Variants in KAT14 observed in about 807,000 individuals in gnomAD.
KAT14 encodes cysteine-rich protein 2-binding protein.
A neutral mutation model predicts 78.4 loss-of-function variants in KAT14; 66 were observed. That is an observed-to-expected ratio of 0.84 (90% CI 0.69 to 1.03). The LOEUF (loss-of-function observed/expected upper bound fraction) is 1.03, where lower values mean the gene tolerates loss of function less well. Among genes scored for constraint, KAT14 ranks in the 50% least tolerant of loss-of-function variants. The pLI is 0.00. For missense variants in KAT14, 870 were observed against 972.5 expected, an observed-to-expected ratio of 0.89 and a Z score of 1.40; for synonymous variants, 344 against 359.4, an observed-to-expected ratio of 0.96 and a Z score of 0.48.
chr20:18,143,129 C>T (rs2037653955), intron 2 of KAT14: 1 of 1,308,026 alleles, frequency 7.6e-7, no homozygotes, highest in Non-Finnish European at 9.8e-7. Context: ...GTTAAATTAA[C>T]ACTTTTGGTG....
In KAT14 at chr20:18,142,231, A is replaced by G. The variant is rs1344578627; in HGVS notation, c.-430A>G. On this transcript the variant is annotated 5_prime_UTR_variant, in exon 2 of 11. Coordinates refer to ENST00000688188, the MANE Select transcript of KAT14 (RefSeq NM_001392073.1). ...AGAGGCTTCGTGACGGAGTTATCAG[A>G]GACATTGAGAGGCAAATTCGGAAAA... 1 of 1,537,216 alleles carries G rather than the reference A, an allele frequency of 6.5e-7. No individual in the cohort carries two copies. Among genetic ancestry groups the G allele is most frequent in the Admixed American group, 2.0e-5 (1 of 50,986 alleles).
chr20:18,173,150 T>G (rs959935703), intron 7 of KAT14, among the ~76,000 whole-genome samples: 1 of 152,234 alleles, frequency 6.6e-6, no homozygotes, highest in Non-Finnish European at 1.5e-5. Flanking sequence ...CCTTTTCCCC[T>G]CCTCCATCTG....
chr20:18,165,129 G>T (rs1205199), intron 7 of KAT14, among the ~76,000 whole-genome samples: 34,362 of 152,032 alleles, frequency 0.23, 4,222 homozygotes, highest in East Asian at 0.51. Context: ...TGTACTTTCT[G>T]TTCCCCTCAG....
At chr20:18,181,433 A>G (rs112980176) in intron 7 of KAT14, among the ~76,000 whole-genome samples, 33 of 144,542 alleles carry the variant, frequency 2.3e-4, no homozygotes, top group African/African-American at 7.9e-4. Context: ...CAGTGGTGCA[A>G]TCTCGGCTCA....
At chr20:18,138,287 G>A (rs2037378060) in intron 1 of KAT14, 1 of 1,209,850 alleles carries the variant, frequency 8.3e-7, no homozygotes, top group South Asian at 3.6e-5. Flanking sequence ...CCGGCTGCCC[G>A]GCTTAGCGCC....
intron 7 of KAT14, among the ~76,000 whole-genome samples, chr20:18,166,948 C>T (rs886107023): frequency 6.6e-6 from 1 of 152,182 alleles, no homozygotes; most frequent in African/African-American, 2.4e-5. Flanking sequence ...GTCAGAGTCC[C>T]TGGGGAATAA....
intron 7 of KAT14, among the ~76,000 whole-genome samples, chr20:18,163,632 CT>C (rs955344290): frequency 6.6e-5 from 10 of 152,088 alleles, no homozygotes; most frequent in African/African-American, 2.2e-4. Context: ...CTGGTTGTTT[CT>C]TTGTGAATTG....
rs2038787736 is a variant in KAT14, at chr20:18,169,903, T to C, written c.1668+6958T>C. ...CTGATAAAAAATCGAAGTAGCCTTA[T>C]TGCTGATATGGAGAAAGTTTGAGTG... is the stretch of plus-strand genomic sequence containing the variant. On this transcript the variant is annotated intron_variant, in intron 7 of 10. Coordinates refer to ENST00000688188, the MANE Select transcript of KAT14 (RefSeq NM_001392073.1). Among the ~76,000 whole-genome samples the C allele has an allele frequency of 2.0e-5, 3 of 152,214 alleles. No homozygotes were observed. The South Asian group carries it at 6.2e-4, about 31-fold the overall frequency.
In KAT14 at chr20:18,154,061, C is replaced by T. The variant is rs570586615; in HGVS notation, c.500+3119C>T. On this transcript the variant is annotated intron_variant, in intron 4 of 10. Coordinates refer to ENST00000688188, the MANE Select transcript of KAT14 (RefSeq NM_001392073.1). ...AAATCACTTTATGATTCTTGCCACC[C>T]GGTTTCATGCTACAGTGCTGCTCTT... Among the ~76,000 whole-genome samples, 4 of 152,268 alleles carry T rather than the reference C, an allele frequency of 2.6e-5. No homozygotes were observed. In the East Asian group the frequency reaches 5.8e-4, roughly 22 times the overall value.
At chr20:18,176,199 G>T (rs1449201506) in intron 7 of KAT14, among the ~76,000 whole-genome samples, 1 of 151,566 alleles carries the variant, frequency 6.6e-6, no homozygotes, top group East Asian at 1.9e-4. Flanking sequence ...TACTCAGGAG[G>T]CTGAGGCAGG....
chr20:18,157,053 G>C (rs531149422), intron 4 of KAT14, among the ~76,000 whole-genome samples: 1 of 152,272 alleles, frequency 6.6e-6, no homozygotes, highest in South Asian at 2.1e-4. Context: ...AGATTTGCGA[G>C]GTCAGAGGAT....
Position 18,157,032 on chromosome 20 carries a change from T to C in KAT14, c.501-2052T>C, listed in dbSNP as rs6111863. On this transcript the variant is annotated intron_variant, in intron 4 of 10. Coordinates refer to ENST00000688188, the MANE Select transcript of KAT14 (RefSeq NM_001392073.1). ...TGTATATATATCCTTTGTGTTTTTG[T>C]GATTAGAAGTAGATTTGCGAGGTCA... Among the ~76,000 whole-genome samples the C allele has an allele frequency of 1.2e-3, 181 of 152,318 alleles. 1 individual carries two copies. Among genetic ancestry groups the C allele is most frequent in the African/African-American group, 4.3e-3 (177 of 41,562 alleles).
chr20:18,138,465 G>A, intron 1 of KAT14: 1 of 990,972 alleles, frequency 1.0e-6, no homozygotes, highest in Non-Finnish European at 1.2e-6. Flanking sequence ...AGTTTCTTGG[G>A]GTGCATTCTG....
rs1384042972 is a variant in KAT14, at chr20:18,150,878, T to C, written c.436T>C (p.Phe146Leu). Residue 146 changes from phenylalanine (F) to leucine (L), a missense_variant, in exon 4 of 11, where the codon TTC (phenylalanine) becomes CTC (leucine). Phe to Leu is a conservative substitution (Grantham distance 22, BLOSUM62 0). Transcript: ENST00000688188. ...SLEGSGRQGY[F>L]RWKEDICAFI... ...GGAAGGAAGTGGACGTCAAGGTTAT[T>C]TCAGGTGGAAAGAAGATATCTGTGC... 3 of 1,614,080 alleles carry C rather than the reference T, an allele frequency of 1.9e-6. No individual in the cohort carries two copies. The highest frequency in any genetic ancestry group is 1.3e-5 in the African/African-American group (1 of 74,940).
chr20:18,169,758 A>T (rs1032549755), intron 7 of KAT14, among the ~76,000 whole-genome samples: 2 of 152,256 alleles, frequency 1.3e-5, no homozygotes, highest in Non-Finnish European at 2.9e-5. Context: ...TGAGGAAAGC[A>T]TTTCAAAAGC....
At chr20:18,155,825 TGTG>T (rs1323463116) in intron 4 of KAT14, among the ~76,000 whole-genome samples, 2 of 152,264 alleles carry the variant, frequency 1.3e-5, no homozygotes, top group Non-Finnish European at 2.9e-5. Flanking sequence ...TGGAAAATGG[TGTG>T]GTGTTTCCTC....
chr20:18,184,478 T>G, intron 9 of KAT14, 124 bp from the exon 10 acceptor site: 4 of 929,086 alleles, frequency 4.3e-6, no homozygotes, highest in Non-Finnish European at 4.7e-6. Flanking sequence ...TTACCTCCAG[T>G]TTTGGTGTTT....
At chr20:18,151,869 G>T (rs2038057107) in intron 4 of KAT14, among the ~76,000 whole-genome samples, 1 of 151,512 alleles carries the variant, frequency 6.6e-6, no homozygotes, top group Admixed American at 6.6e-5. Context: ...TGGGCGTGGT[G>T]GCAGGCAACT....
intron 8 of KAT14, among the ~76,000 whole-genome samples, chr20:18,182,322 G>A (rs1179833910): frequency 2.6e-5 from 4 of 152,002 alleles, no homozygotes; most frequent in Non-Finnish European, 2.9e-5. Context: ...GGGTTTCACC[G>A]TGTTGGCCAA....
Sources: allele counts gnomAD v4.1 joint callset (sites outside exome capture counted in the v4.1 genomes callset), GRCh38; gene constraint gnomAD v4.1.1; transcripts MANE v1.5; gene names NCBI Gene and HGNC (gene_info 2026-07-23, HGNC 2026-07-21).